Variants in TAFA4 observed in about 807,000 individuals in gnomAD.
The protein encoded by TAFA4 is TAFA chemokine like family member 4, also known as chemokine-like protein TAFA-4.
TAFA4 carries 20 observed loss-of-function variants against 21.1 expected under a neutral mutation model. The ratio of observed to expected loss-of-function variants is 0.95; its 90% CI spans 0.67 to 1.38. The LOEUF is 1.38. TAFA4 is among the 40% of genes most tolerant of loss of function. The pLI, the probability that TAFA4 is intolerant of heterozygous loss-of-function variation, is 0.00. For synonymous variants in TAFA4, 71 were observed against 67.4 expected (o/e 1.05, Z -0.26); for missense variants, 211 against 180.9 (o/e 1.17, Z -0.95).
At chr3:68,849,943 T>C (rs1704904957) in intron 3 of TAFA4, among the ~76,000 whole-genome samples, 1 of 152,160 alleles carries the variant, frequency 6.6e-6, no homozygotes, top group Admixed American at 6.5e-5. Flanking sequence ...TAATTGACAG[T>C]AAAACTGTAT....
At chr3:68,861,720 A>T (rs1189351243) in intron 3 of TAFA4, among the ~76,000 whole-genome samples, 3 of 151,960 alleles carry the variant, frequency 2.0e-5, no homozygotes, top group African/African-American at 7.2e-5. Context: ...CAGCCTTGGA[A>T]GACTTCAAAC....
chr3:68,829,885 G>T (rs938895321), intron 3 of TAFA4, among the ~76,000 whole-genome samples: 2 of 152,162 alleles, frequency 1.3e-5, no homozygotes, highest in African/African-American at 4.8e-5. Context: ...GGTCTATTCA[G>T]AGATTCAACT....
At chr3:68,788,287 C>T (rs1703298240) in intron 3 of TAFA4, among the ~76,000 whole-genome samples, 1 of 152,158 alleles carries the variant, frequency 6.6e-6, no homozygotes, top group South Asian at 2.1e-4. Flanking sequence ...ATGCCAATCA[C>T]CTCTGCCTCA....
At chr3:68,896,741 C>G (rs2089793458) in intron 1 of TAFA4, among the ~76,000 whole-genome samples, 1 of 152,206 alleles carries the variant, frequency 6.6e-6, no homozygotes, top group South Asian at 2.1e-4. Flanking sequence ...GCCCAGGCCT[C>G]TAAATGGGGT....
Position 68,823,551 on chromosome 3 carries a change from G to A in TAFA4, c.130+57179C>T, listed in dbSNP as rs990289984. ...ACTACACCTATCAACCCATCACCTA[G>A]GTATTAAGCCCAGTATACATTAGCT... On this transcript the variant is annotated intron_variant, in intron 3 of 5. Coordinates refer to ENST00000295569, the MANE Select transcript of TAFA4 (RefSeq NM_182522.5). 5.3e-5 allele frequency among the ~76,000 whole-genome samples: 8 copies of A among 152,174 alleles called. No homozygotes were observed. In the East Asian group the frequency reaches 1.5e-3, roughly 29 times the overall value.
intron 3 of TAFA4, among the ~76,000 whole-genome samples, chr3:68,785,122 C>T (rs953144507): frequency 5.3e-5 from 8 of 152,226 alleles, no homozygotes; most frequent in Non-Finnish European, 8.8e-5. Flanking sequence ...GAGCTAGACA[C>T]AGGGTGCTGA....
rs1490051092 is a variant in TAFA4 at position 68,804,293 on chromosome 3, TAA to T, written c.131-51277_131-51276del. Among the ~76,000 whole-genome samples, 9 of 152,100 alleles carry T rather than the reference TAA, an allele frequency of 5.9e-5. No homozygotes were observed. The East Asian group carries it at 1.7e-3, about 29-fold the overall frequency. ...CAACATAAACCACTGCTCAATGAAA[TAA>T]AAGAGGATACAAACAAATGGAAGAA... On this transcript the variant is annotated intron_variant, in intron 3 of 5. Transcript: ENST00000295569.
At chr3:68,749,921 C>T (rs1413427693) in intron 4 of TAFA4, among the ~76,000 whole-genome samples, 4 of 151,870 alleles carry the variant, frequency 2.6e-5, no homozygotes, top group Non-Finnish European at 5.9e-5. Flanking sequence ...TATATATCAT[C>T]ACATATAGAT....
intron 1 of TAFA4, among the ~76,000 whole-genome samples, chr3:68,914,691 G>C (rs1327972592): frequency 6.6e-6 from 1 of 152,016 alleles, no homozygotes; most frequent in Non-Finnish European, 1.5e-5. Context: ...CCATGGAAGC[G>C]GTGTGCAAAT....
intron 3 of TAFA4, among the ~76,000 whole-genome samples, chr3:68,795,970 G>A (rs1027865205): frequency 2.6e-5 from 4 of 152,220 alleles, no homozygotes; most frequent in South Asian, 2.1e-4. Context: ...AAAGTACCAC[G>A]TTGGTGGTCT....
intron 3 of TAFA4, among the ~76,000 whole-genome samples, chr3:68,832,735 G>T (rs760392494): frequency 2.0e-5 from 3 of 152,348 alleles, no homozygotes; most frequent in Admixed American, 6.5e-5. Flanking sequence ...AGGCAGTGAC[G>T]TTTAAGTCTG....
chr3:68,733,114 C>T lies in TAFA4; in HGVS notation c.*28G>A. 7 of 1,612,914 alleles carry T rather than the reference C, an allele frequency of 4.3e-6. No individual in the cohort carries two copies. Among genetic ancestry groups the T allele is most frequent in the Non-Finnish European group, 5.9e-6 (7 of 1,179,334 alleles). Reference sequence around the variant, plus strand: ...AAGAGCTCCGCCTCCTGCTGCCCCTCCAGGATTGAAGCACACCTCTCTCTT... The same window carrying T: ...AAGAGCTCCGCCTCCTGCTGCCCCTTCAGGATTGAAGCACACCTCTCTCTT... On this transcript the variant is annotated 3_prime_UTR_variant, in exon 6 of 6. Transcript: ENST00000295569.
At chr3:68,742,333 A>AT (rs573687090) in intron 4 of TAFA4, among the ~76,000 whole-genome samples, 99 of 152,382 alleles carry the variant, frequency 6.5e-4, no homozygotes, top group African/African-American at 2.3e-3. Context: ...AGGTACTTAA[A>AT]TTAGAAAGGA....
intron 1 of TAFA4, among the ~76,000 whole-genome samples, chr3:68,890,084 C>T (rs1352701498): frequency 6.6e-6 from 1 of 152,084 alleles, no homozygotes; most frequent in Non-Finnish European, 1.5e-5. Context: ...TTAAATACAT[C>T]CTGAAATATT....
intron 1 of TAFA4, among the ~76,000 whole-genome samples, chr3:68,900,090 A>G (rs980872976): frequency 1.6e-4 from 24 of 150,638 alleles, no homozygotes; most frequent in Non-Finnish European, 3.4e-4. Context: ...ACAAAAAAAA[A>G]AAAAAAACAC....
intron 3 of TAFA4, among the ~76,000 whole-genome samples, chr3:68,876,471 G>A (rs2089551205): frequency 6.6e-6 from 1 of 152,138 alleles, no homozygotes; most frequent in South Asian, 2.1e-4. Flanking sequence ...AGAGACTCCT[G>A]TAGTAGATGT....
chr3:68,919,710 T>C (rs2090040014), intron 1 of TAFA4, among the ~76,000 whole-genome samples: 1 of 152,218 alleles, frequency 6.6e-6, no homozygotes, highest in Non-Finnish European at 1.5e-5. Flanking sequence ...ATTTCCACCA[T>C]CACAGGGAAG....
intron 1 of TAFA4, among the ~76,000 whole-genome samples, chr3:68,914,349 A>T (rs3925004): frequency 2.6e-5 from 4 of 151,996 alleles, no homozygotes; most frequent in African/African-American, 9.7e-5. Context: ...ACAAAGGACC[A>T]ATCTGGGTGC....
chr3:68,786,884 A>T (rs1703271822), intron 3 of TAFA4, among the ~76,000 whole-genome samples: 1 of 152,246 alleles, frequency 6.6e-6, no homozygotes, highest in South Asian at 2.1e-4. Flanking sequence ...TGTGAAATAA[A>T]GGCTAAGAAC....
Sources: allele counts gnomAD v4.1 joint callset (sites outside exome capture counted in the v4.1 genomes callset), GRCh38; gene constraint gnomAD v4.1.1; transcripts MANE v1.5; gene names NCBI Gene and HGNC (gene_info 2026-07-23, HGNC 2026-07-21).